SUGCT: variants seen among roughly 807,000 people sequenced by gnomAD.
SUGCT encodes the protein succinyl-CoA:glutarate-CoA transferase.
In SUGCT, 41 loss-of-function variants were observed where a neutral mutation model predicts 55.0. That is an observed-to-expected ratio of 0.74 (90% CI 0.58 to 0.97). SUGCT has a LOEUF of 0.97. Among genes scored for constraint, SUGCT ranks in the 50% least tolerant of loss-of-function variants. The pLI is 0.00. For missense variants in SUGCT, 568 were observed against 547.8 expected (o/e 1.04, Z -0.37); for synonymous variants, 187 against 200.4 (o/e 0.93, Z 0.56).
chr7:40,549,720 A>G (rs939694660), intron 12 of SUGCT, among the ~76,000 whole-genome samples: 1 of 152,212 alleles, frequency 6.6e-6, no homozygotes, highest in Non-Finnish European at 1.5e-5. Context: ...AAAGCAGGTT[A>G]TAAGTGTGGA....
intron 7 of SUGCT, among the ~76,000 whole-genome samples, chr7:40,269,314 TTTTA>T (rs367961179): frequency 2.6e-5 from 4 of 151,860 alleles, no homozygotes; most frequent in African/African-American, 4.8e-5. Flanking sequence ...TAATTTTTTA[TTTTA>T]TTTATTTATT....
chr7:41,019,049 G>A, the SUGCT span, among the ~76,000 whole-genome samples: 2 of 152,024 alleles, frequency 1.3e-5, no homozygotes, highest in Non-Finnish European at 2.9e-5. Context: ...GGGATTACAG[G>A]CGCCTGCCAC....
chr7:40,242,933 ATTTTTTTTTTTTTTTTT>A (rs70996894), intron 7 of SUGCT, among the ~76,000 whole-genome samples: 783 of 17,242 alleles, frequency 0.045, 49 homozygotes, highest in African/African-American at 0.11. Flanking sequence ...ATATATATAT[ATTTTTTTTTTTTTTTTT>A]TTTTTTTTTT....
chr7:40,269,954 T>C (rs777939323), intron 7 of SUGCT, among the ~76,000 whole-genome samples: 5 of 151,876 alleles, frequency 3.3e-5, no homozygotes, highest in African/African-American at 4.8e-5. Context: ...CTGGGCAACG[T>C]GGGGAGACCC....
chr7:40,941,610 G>A, the SUGCT span, among the ~76,000 whole-genome samples: 2 of 152,078 alleles, frequency 1.3e-5, no homozygotes, highest in African/African-American at 2.4e-5. Context: ...ATTTAGTCGA[G>A]TGTTTCTCTT....
intron 12 of SUGCT, among the ~76,000 whole-genome samples, chr7:40,601,787 G>A (rs1407125987): frequency 6.7e-6 from 1 of 149,698 alleles, no homozygotes; most frequent in Non-Finnish European, 1.5e-5. Context: ...TGTATTTTAT[G>A]TGTGGCCCAA....
intron 7 of SUGCT, among the ~76,000 whole-genome samples, chr7:40,250,340 C>A (rs958504280): frequency 6.6e-6 from 1 of 150,702 alleles, no homozygotes; most frequent in South Asian, 2.1e-4. Flanking sequence ...ATGGAGGTTG[C>A]AGTGAACCGA....
At chr7:40,695,201 T>TTATC (rs1554403295) in intron 12 of SUGCT, among the ~76,000 whole-genome samples, 70 of 150,024 alleles carry the variant, frequency 4.7e-4, no homozygotes, top group Non-Finnish European at 1.9e-4. Context: ...ATTTATTTAT[T>TTATC]TATTTATTTA....
intron 13 of SUGCT, among the ~76,000 whole-genome samples, chr7:40,771,404 C>T (rs1789097689): frequency 6.6e-6 from 1 of 152,242 alleles, no homozygotes; most frequent in African/African-American, 2.4e-5. Flanking sequence ...TCAAGTAACA[C>T]AATATACAAT....
intron 11 of SUGCT, among the ~76,000 whole-genome samples, chr7:40,475,152 C>T (rs1470010874): frequency 3.9e-5 from 6 of 152,206 alleles, no homozygotes; most frequent in African/African-American, 1.2e-4. Context: ...TGGTAAAGTA[C>T]ATTTTTTATT....
At chr7:40,626,757 A>G (rs1359356780) in intron 12 of SUGCT, among the ~76,000 whole-genome samples, 2 of 152,120 alleles carry the variant, frequency 1.3e-5, no homozygotes, top group African/African-American at 4.8e-5. Context: ...TGTGTGTCCT[A>G]TGCCAAGTTG....
the SUGCT span, among the ~76,000 whole-genome samples, chr7:40,953,555 GCT>G: frequency 3.3e-5 from 5 of 152,194 alleles, no homozygotes; most frequent in Non-Finnish European, 7.3e-5. Context: ...CAGTTTTTCT[GCT>G]CTGTTTTTTC....
intron 13 of SUGCT, among the ~76,000 whole-genome samples, chr7:40,778,768 C>A (rs1789585603): frequency 6.6e-6 from 1 of 152,204 alleles, no homozygotes; most frequent in Non-Finnish European, 1.5e-5. Context: ...ACCTGAGACC[C>A]TTGGAGTATA....
chr7:40,559,376 T>G (rs1795722249), intron 12 of SUGCT, among the ~76,000 whole-genome samples: 1 of 152,256 alleles, frequency 6.6e-6, no homozygotes, highest in Admixed American at 6.5e-5. Context: ...TTTTAAAACT[T>G]CCAATGTTGT....
intron 13 of SUGCT, among the ~76,000 whole-genome samples, chr7:40,779,909 C>T (rs1168214206): frequency 6.6e-6 from 1 of 152,110 alleles, no homozygotes; most frequent in Non-Finnish European, 1.5e-5. Context: ...TCTGGGTGTT[C>T]ATTAATAAAC....
intron 12 of SUGCT, among the ~76,000 whole-genome samples, chr7:40,707,672 T>A (rs1785495427): frequency 6.6e-6 from 1 of 152,200 alleles, no homozygotes; most frequent in Non-Finnish European, 1.5e-5. Flanking sequence ...AATAACCCAC[T>A]TTCCCTAAAC....
At chr7:40,619,965 C>T (rs1444101601) in intron 12 of SUGCT, among the ~76,000 whole-genome samples, 1 of 152,166 alleles carries the variant, frequency 6.6e-6, no homozygotes, top group Non-Finnish European at 1.5e-5. Context: ...TATATTTTAC[C>T]ATTACAATGA....
the SUGCT span, among the ~76,000 whole-genome samples, chr7:40,983,440 C>T: frequency 2.6e-5 from 4 of 152,182 alleles, no homozygotes; most frequent in Non-Finnish European, 5.9e-5. Flanking sequence ...CATATATTTT[C>T]CTCCAACTTA....
At chr7:40,242,009 G>A (rs1433470197) in intron 7 of SUGCT, among the ~76,000 whole-genome samples, 5 of 151,364 alleles carry the variant, frequency 3.3e-5, no homozygotes, top group South Asian at 4.2e-4. Flanking sequence ...AGCCTTTTAC[G>A]TATGCTGTGG....
Sources: allele counts gnomAD v4.1 joint callset (sites outside exome capture counted in the v4.1 genomes callset), GRCh38; gene constraint gnomAD v4.1.1; transcripts MANE v1.5; gene names NCBI Gene and HGNC (gene_info 2026-07-23, HGNC 2026-07-21).